SLC20A2: variants seen among roughly 807,000 people sequenced by gnomAD.
The protein encoded by SLC20A2 is solute carrier family 20 member 2.
SLC20A2 carries 30 observed loss-of-function variants against 61.0 expected under a neutral mutation model. That is an observed-to-expected ratio of 0.49 (90% CI 0.37 to 0.67). SLC20A2 has a LOEUF of 0.67. SLC20A2 is among the 30% of genes least tolerant of loss of function. The pLI is 0.00. For synonymous variants in SLC20A2, 351 were observed against 353.3 expected (o/e 0.99, Z 0.07); for missense variants, 626 against 866.4 (o/e 0.72, Z 3.48).
chr8:42,455,093 C>T (rs986021322), intron 5 of SLC20A2, among the ~76,000 whole-genome samples: 1 of 150,840 alleles, frequency 6.6e-6, no homozygotes, highest in African/African-American at 2.4e-5. Context: ...GGTGTGGTGG[C>T]GTGCGTCTTG....
At chr8:42,423,535 T>A (rs1292907105) in intron 10 of SLC20A2, among the ~76,000 whole-genome samples, 182 of 152,218 alleles carry the variant, frequency 1.2e-3, no homozygotes, top group African/African-American at 4.3e-3. Context: ...TCTTCTGATT[T>A]TAGGATTTTT....
At chr8:42,448,083 G>C (rs571549997) in intron 5 of SLC20A2, among the ~76,000 whole-genome samples, 3 of 152,336 alleles carry the variant, frequency 2.0e-5, no homozygotes, top group African/African-American at 4.8e-5. Context: ...CACCAAAGCT[G>C]GTTCTTGCCA....
intron 2 of SLC20A2, 46 bp from the exon 3 acceptor site, chr8:42,465,963 T>G (rs1192604998): frequency 6.6e-7 from 1 of 1,521,584 alleles, no homozygotes; most frequent in Non-Finnish European, 8.8e-7. Context: ...AGTACAGAGG[T>G]GCAGACACCA....
Position 42,437,321 on chromosome 8 carries a change from T to C in SLC20A2, c.1191A>G (p.Pro397=). The change falls in exon 8 of 11, where the codon CCA becomes CCG. Residue 397 remains proline, a synonymous_variant. Coordinates refer to ENST00000520262, the MANE Select transcript of SLC20A2 (RefSeq NM_001257180.2). The surrounding 1 kb of genome is among the most constrained non-coding windows in gnomAD (Gnocchi z 6.4). The part of the protein sequence containing the change: ...TCYTAAICGL[P]VHATFRAADS... ...CCGCAGCTCGAAAGGTGGCGTGCAC[T>C]GGCAGCCCACAAATGGCTGCGGTGT... 1 of 1,614,212 alleles carries C rather than the reference T, an allele frequency of 6.2e-7. No individual in the cohort carries two copies.
intron 1 of SLC20A2, among the ~76,000 whole-genome samples, chr8:42,523,137 C>A (rs563316283): frequency 3.2e-4 from 48 of 152,196 alleles, no homozygotes; most frequent in African/African-American, 1.1e-3. Flanking sequence ...TCGAGACCAG[C>A]CTGGCCAATA....
intron 10 of SLC20A2, among the ~76,000 whole-genome samples, chr8:42,421,695 T>C (rs1318242523): frequency 6.6e-6 from 1 of 152,126 alleles, no homozygotes; most frequent in East Asian, 1.9e-4. Context: ...TCCCAGCTAC[T>C]CGGGAGGCTG....
intron 1 of SLC20A2, among the ~76,000 whole-genome samples, chr8:42,521,363 G>A (rs1811616089): frequency 8.3e-6 from 1 of 121,090 alleles, no homozygotes; most frequent in Non-Finnish European, 2.0e-5. Flanking sequence ...AATCTCAAAA[G>A]GTTACAGATT....
intron 1 of SLC20A2, among the ~76,000 whole-genome samples, chr8:42,509,806 G>A (rs952585370): frequency 1.3e-5 from 2 of 152,000 alleles, no homozygotes; most frequent in African/African-American, 4.8e-5. Context: ...AACCACTAGA[G>A]ACAGATACAA....
At position 42,533,391 on chromosome 8, in the gene SLC20A2, G is replaced by A. The variant is rs575813667; in HGVS notation, c.-265+8430C>T. On this transcript the variant is annotated intron_variant, in intron 1 of 10. Coordinates refer to the SLC20A2 transcript ENST00000342228. The stretch of plus-strand genomic sequence containing the variant: ...AGCACTTTGGGAGGCCCAGGCAGGC[G>A]CATCACTTGAGGCCAGGAGTTCAAG... Among the ~76,000 whole-genome samples the A allele has an allele frequency of 5.9e-5, 9 of 152,142 alleles. No individual in the cohort carries two copies. The East Asian group carries it at 1.4e-3, about 23-fold the overall frequency.
At chr8:42,479,233 T>C (rs1019612327) in intron 1 of SLC20A2, among the ~76,000 whole-genome samples, 31 of 152,194 alleles carry the variant, frequency 2.0e-4, no homozygotes, top group Admixed American at 4.6e-4. Flanking sequence ...TATAAACATT[T>C]CAGGTGAAAA....
chr8:42,466,214 A>G (rs1007074312), intron 2 of SLC20A2, among the ~76,000 whole-genome samples: 3 of 152,126 alleles, frequency 2.0e-5, no homozygotes, highest in Non-Finnish European at 4.4e-5. Flanking sequence ...GGCTCACTGC[A>G]ACCTCTGCCT....
chr8:42,433,286 T>C (rs1387336943), intron 8 of SLC20A2, among the ~76,000 whole-genome samples: 3 of 152,190 alleles, frequency 2.0e-5, no homozygotes, highest in Non-Finnish European at 2.9e-5. Flanking sequence ...TCTAGGAATT[T>C]GACTGCTGTA....
upstream of SLC20A2, chr8:42,502,739 G>A (rs773822073): frequency 6.6e-6 from 1 of 152,272 alleles, no homozygotes; most frequent in Non-Finnish European, 1.5e-5. Flanking sequence ...TTCCTGCTCT[G>A]TGCTGAAAGG....
Position 42,439,490 on chromosome 8 carries a change from C to T in SLC20A2, c.894G>A (p.Ser298=), listed in dbSNP as rs764154230. 1.3e-5 allele frequency: 21 copies of T among 1,613,928 alleles called. No individual in the cohort carries two copies. The highest frequency in any genetic ancestry group is 3.3e-5 in the Admixed American group (2 of 59,998). ...TGAAGETLGT[S]EGTSAGSHPR... ...GGTGGCTGCCCGCAGAAGTGCCTTCCGAGGTCCCCAGTGTCTCCCCTGCTG... is the reference window on the plus strand; with the variant it reads ...GGTGGCTGCCCGCAGAAGTGCCTTCTGAGGTCCCCAGTGTCTCCCCTGCTG... Residue 298 remains serine (S), a synonymous_variant, in exon 7 of 11, where the codon TCG becomes TCA. Transcript: ENST00000520262.
chr8:42,434,102 G>C (rs892829801), intron 8 of SLC20A2, among the ~76,000 whole-genome samples: 5 of 151,988 alleles, frequency 3.3e-5, no homozygotes, highest in Admixed American at 2.6e-4. Flanking sequence ...CTGTTGCCCA[G>C]GCTGGAGTGC....
At chr8:42,484,361 G>C (rs1365325895) in intron 1 of SLC20A2, among the ~76,000 whole-genome samples, 1 of 152,198 alleles carries the variant, frequency 6.6e-6, no homozygotes, top group African/African-American at 2.4e-5. Context: ...AAATTTAGCA[G>C]TTCCTCTCAT....
At chr8:42,442,931 GT>G (rs1804888248) in intron 6 of SLC20A2, among the ~76,000 whole-genome samples, 1 of 152,038 alleles carries the variant, frequency 6.6e-6, no homozygotes, top group Admixed American at 6.6e-5. Context: ...GTAAATATCT[GT>G]TTTTTGAGAG....
At chr8:42,500,024 TTAAC>T (rs1810218594) in intron 1 of SLC20A2, among the ~76,000 whole-genome samples, 1 of 152,236 alleles carries the variant, frequency 6.6e-6, no homozygotes. Context: ...AAAGAAGTCT[TTAAC>T]TAAATCTTTT....
At position 42,417,679 on chromosome 8, in the gene SLC20A2, C is replaced by A. The variant is rs948433091; in HGVS notation, c.*124G>T. ...GGGATGGAGCCTCCTGGAAGGGAGG[C>A]AGAGAGCTGGTCATGAGAGAGCCGT... On this transcript the variant is annotated 3_prime_UTR_variant, in exon 11 of 11. Coordinates refer to ENST00000520262, the MANE Select transcript of SLC20A2 (RefSeq NM_001257180.2). 95 of 1,049,492 alleles carry A rather than the reference C, an allele frequency of 9.1e-5. No homozygotes were observed. Among genetic ancestry groups the A allele is most frequent in the Non-Finnish European group, 1.3e-4 (92 of 718,002 alleles). 65.0% of individuals were successfully genotyped at this position (1,049,492 alleles called of 1,614,324 possible). A position where few individuals can be genotyped will look rare whatever the true frequency, so the allele number is the denominator to read the frequency against.
Sources: allele counts gnomAD v4.1 joint callset (sites outside exome capture counted in the v4.1 genomes callset), GRCh38; gene constraint gnomAD v4.1.1; non-coding constraint Gnocchi (gnomAD v3.1); transcripts MANE v1.5; gene names NCBI Gene and HGNC (gene_info 2026-07-23, HGNC 2026-07-21).